The following SUN1 variants were observed in gnomAD, a reference collection of about 807,000 sequenced individuals.
SUN1 encodes SUN domain-containing protein 1.
In SUN1, 61 loss-of-function variants were observed where a neutral mutation model predicts 103.2. The ratio of observed to expected loss-of-function variants is 0.59; its 90% CI spans 0.48 to 0.73. The LOEUF is 0.73. Ranked by LOEUF, SUN1 falls within the 30% of genes least tolerant of loss-of-function variation. The pLI is 0.00. For missense variants in SUN1, 1,052 were observed against 1,034.6 expected (o/e 1.02, Z -0.23); for synonymous variants, 490 against 425.7 (o/e 1.15, Z -1.86).
At chr7:872,414 C>T in intron 17 of SUN1, 56 bp from the exon 18 acceptor site, 3 of 1,453,182 alleles carry the variant, frequency 2.1e-6, no homozygotes, top group Non-Finnish European at 2.8e-6. Flanking sequence ...GAACGGTCCT[C>T]TCTGCTCAGT....
chr7:841,790 A>T, intron 2 of SUN1, 156 bp from the exon 3 acceptor site: 1 of 727,426 alleles, frequency 1.4e-6, no homozygotes, highest in Non-Finnish European at 2.2e-6. Context: ...CCTTTTTTAT[A>T]TTAACAGTTG....
rs570465992 is a variant in SUN1, at chr7:865,932, G to A, written c.1865-20G>A. The A allele has an allele frequency of 6.2e-6, 10 of 1,608,328 alleles. No individual in the cohort carries two copies. Among genetic ancestry groups the A allele is most frequent in the East Asian group, 4.5e-5 (2 of 44,838 alleles). On this transcript the variant is annotated intron_variant, in intron 15 of 18. Coordinates refer to ENST00000401592, the MANE Select transcript of SUN1 (RefSeq NM_001130965.3). ...AATGGTGGAACTGGACACTGAGACCGATCTGAACTTTGCTTTAAGGTGGCA... is the reference window on the plus strand; with the variant it reads ...AATGGTGGAACTGGACACTGAGACCAATCTGAACTTTGCTTTAAGGTGGCA...
At chr7:843,110 C>A (rs1584580038) in intron 3 of SUN1, 96 bp from the exon 4 acceptor site, 9 of 1,540,948 alleles carry the variant, frequency 5.8e-6, no homozygotes, top group Non-Finnish European at 8.0e-6. Flanking sequence ...ATTTATTAAC[C>A]ATTGTAACCT....
At chr7:838,508 A>G (rs913075136) in intron 1 of SUN1, among the ~76,000 whole-genome samples, 1 of 152,174 alleles carries the variant, frequency 6.6e-6, no homozygotes, top group Admixed American at 6.5e-5. Context: ...GGGCTCTAGC[A>G]TATGCCCTCA....
At chr7:864,029 G>A (rs977856957) in intron 15 of SUN1, among the ~76,000 whole-genome samples, 3 of 152,012 alleles carry the variant, frequency 2.0e-5, no homozygotes, top group African/African-American at 7.3e-5. Flanking sequence ...TTTATTAGCT[G>A]GTATTAGATA....
chr7:844,647 G>A lies in SUN1; in HGVS notation c.658+1127G>A, dbSNP rs563084465. 9.8e-5 allele frequency among the ~76,000 whole-genome samples: 15 copies of A among 152,334 alleles called. No individual in the cohort carries two copies. The South Asian group carries it at 1.9e-3, about 19-fold the overall frequency. On this transcript the variant is annotated intron_variant, in intron 5 of 18. Coordinates refer to ENST00000401592, the MANE Select transcript of SUN1 (RefSeq NM_001130965.3). ...CCGGGAAAGGTGGCGGGAGCGGGGC[G>A]GCACGTGGGTTCCCCTCACAGCACT...
At chr7:831,334 C>T (rs1056623910), upstream of SUN1, among the ~76,000 whole-genome samples, 2 of 149,994 alleles carry the variant, frequency 1.3e-5, no homozygotes, top group African/African-American at 4.9e-5. Flanking sequence ...TACAGTGGTA[C>T]GATCTCGGCT....
At chr7:822,990 G>A (rs577649538) in intron 1 of SUN1, among the ~76,000 whole-genome samples, 2 of 152,290 alleles carry the variant, frequency 1.3e-5, no homozygotes, top group South Asian at 2.1e-4. Context: ...GGCCACCCGC[G>A]AATTCCCGCA....
Position 857,855 on chromosome 7 carries a change from A to G in SUN1, c.1422A>G (p.Thr474=), listed in dbSNP as rs10950789. ...CGGTTGGTGAGCAGCTCCTGCCCAC[A>G]GTCGAGCACCTCCAGCTGGAGCTGG... The part of the protein sequence containing the change: ...ISAVGEQLLP[T]VEHLQLELDQ... The change falls in exon 13 of 19, where the codon ACA becomes ACG. Residue 474 remains threonine, a synonymous_variant. Coordinates refer to ENST00000401592, the MANE Select transcript of SUN1 (RefSeq NM_001130965.3). 570,335 of 1,591,402 alleles carry G rather than the reference A, an allele frequency of 0.36. 105,095 individuals carry two copies. Among genetic ancestry groups the G allele is most frequent in the East Asian group, 0.54 (23,618 of 44,144 alleles).
intron 12 of SUN1, among the ~76,000 whole-genome samples, chr7:857,610 A>G (rs1368260230): frequency 6.6e-6 from 1 of 152,212 alleles, no homozygotes; most frequent in Non-Finnish European, 1.5e-5. Context: ...CAGTGTGAAC[A>G]TTTGTATGTT....
rs1028503859 is a variant in SUN1, at chr7:874,317, C to G, written c.*986C>G. On this transcript the variant is annotated 3_prime_UTR_variant, in exon 19 of 19. Coordinates refer to ENST00000401592, the MANE Select transcript of SUN1 (RefSeq NM_001130965.3). ...CTTTTATCACAGCTGTCACCATTCTCACGTGATTCTTGTGAGACTCTTTTT... is the reference window on the plus strand; with the variant it reads ...CTTTTATCACAGCTGTCACCATTCTGACGTGATTCTTGTGAGACTCTTTTT... 1 of 152,658 alleles carries G rather than the reference C, an allele frequency of 6.6e-6. No individual in the cohort carries two copies. Among genetic ancestry groups the G allele is most frequent in the Non-Finnish European group, 1.5e-5 (1 of 68,046 alleles). The allele number at this position is 152,658 out of a possible 1,614,324, so 9.5% of individuals were successfully genotyped here.
Position 838,845 on chromosome 7 carries a change from T to C in SUN1, c.125T>C (p.Leu42Ser). 1 of 1,577,958 alleles carries C rather than the reference T, an allele frequency of 6.3e-7. No individual in the cohort carries two copies. Among genetic ancestry groups the C allele is most frequent in the Non-Finnish European group, 8.6e-7 (1 of 1,161,012 alleles). The change falls in exon 2 of 19, where the codon TTG becomes TCG. Residue 42 changes from leucine (L) to serine (S), a missense_variant. By Grantham distance (145) the Leu-to-Ser change is moderately radical. Transcript: ENST00000401592. ...DALDFETEHK[L>S]DPVFDSPRMS... Reference sequence around the variant, plus strand: ...CTGGATTTTGAGACGGAGCACAAATTGGACCCTGTATTTGATTCTCCACGG... The same window carrying C: ...CTGGATTTTGAGACGGAGCACAAATCGGACCCTGTATTTGATTCTCCACGG...
chr7:865,712 G>A (rs1268857945), intron 15 of SUN1, among the ~76,000 whole-genome samples: 6 of 152,158 alleles, frequency 3.9e-5, no homozygotes, highest in Admixed American at 6.5e-5. Context: ...CCAACAGTGC[G>A]TGAGGGTTCC....
At chr7:824,785 G>A (rs1041932243) in intron 1 of SUN1, among the ~76,000 whole-genome samples, 1 of 152,206 alleles carries the variant, frequency 6.6e-6, no homozygotes, top group African/African-American at 2.4e-5. Flanking sequence ...GTTGCATCTT[G>A]GCTAGGAACT....
In SUN1 at chr7:842,015, G is replaced by C. The variant is rs759842974; in HGVS notation, c.336G>C (p.Thr112=). The C allele has an allele frequency of 1.2e-6, 2 of 1,614,036 alleles. No individual in the cohort carries two copies. The highest frequency in any genetic ancestry group is 1.3e-5 in the African/African-American group (1 of 74,912). Residue 112 remains threonine (T), a synonymous_variant, in exon 3 of 19, where the codon ACG becomes ACC. Transcript: ENST00000401592. The part of the protein sequence containing the change: ...FSINHVSRQV[T]SSGVSHGGTV... The stretch of plus-strand genomic sequence containing the variant: ...TCAACCACGTGTCAAGGCAGGTCAC[G>C]TCCTCTGGCGTCAGCCACGGCGGCA...
chr7:854,302 C>T (rs571719908), intron 10 of SUN1, among the ~76,000 whole-genome samples: 67 of 152,300 alleles, frequency 4.4e-4, no homozygotes, highest in African/African-American at 1.6e-3. Flanking sequence ...AGGCGGTGCG[C>T]GCAGCGTCAA....
At chr7:830,614 A>C (rs1243802790), upstream of SUN1, among the ~76,000 whole-genome samples, 1 of 152,160 alleles carries the variant, frequency 6.6e-6, no homozygotes, top group South Asian at 2.1e-4. Flanking sequence ...CTGAACCTGG[A>C]GTGTGACCTC....
chr7:825,734 A>G (rs933107665), intron 1 of SUN1, among the ~76,000 whole-genome samples: 4 of 152,222 alleles, frequency 2.6e-5, no homozygotes, highest in African/African-American at 7.2e-5. Flanking sequence ...TATGTTGTAG[A>G]AGTAATTACA....
chr7:843,190 G>C lies in SUN1; in HGVS notation c.452-16G>C, dbSNP rs1811848778. On this transcript the variant is annotated splice_polypyrimidine_tract_variant and intron_variant, in intron 3 of 18. Transcript: ENST00000401592. ...CAACAGCAAAAATGTGTGTGTGTGT[G>C]TGTTTTTTTTTTTAGGTCTTGATGA... is the stretch of plus-strand genomic sequence containing the variant. 1 of 1,552,048 alleles carries C rather than the reference G, an allele frequency of 6.4e-7. No homozygotes were observed. The highest frequency in any genetic ancestry group is 2.3e-4 in the Middle Eastern group (1 of 4,352).
Sources: allele counts gnomAD v4.1 joint callset (sites outside exome capture counted in the v4.1 genomes callset), GRCh38; gene constraint gnomAD v4.1.1; transcripts MANE v1.5; gene names NCBI Gene and HGNC (gene_info 2026-07-23, HGNC 2026-07-21).